The following MYRFL variants were observed in gnomAD, a reference collection of about 807,000 sequenced individuals.
MYRFL encodes myelin regulatory factor-like protein.
A neutral mutation model predicts 109.4 loss-of-function variants in MYRFL; 88 were observed. The observed-to-expected ratio is 0.80, with a 90% CI of 0.68 to 0.96. The LOEUF (loss-of-function observed/expected upper bound fraction) is 0.96, where lower values mean the gene tolerates loss of function less well. Among genes scored for constraint, MYRFL ranks in the 40% least tolerant of loss-of-function variants. The pLI is 0.00. For missense variants in MYRFL, 957 were observed against 954.9 expected (o/e 1.00, Z -0.03); for synonymous variants, 324 against 320.9 (o/e 1.01, Z -0.10).
At position 69,910,913 on chromosome 12, in the gene MYRFL, T is replaced by A; in HGVS notation, c.1585T>A (p.Phe529Ile). ...TCGNGETLENFLMVDKDQIFM... is the reference protein window; with the variant it reads ...TCGNGETLENILMVDKDQIFM... Reference sequence around the variant, plus strand: ...CGGAAACGGAGAGACCTTGGAGAACTTCCTCATGGTGGATAAGGTAATCAC... The same window carrying A: ...CGGAAACGGAGAGACCTTGGAGAACATCCTCATGGTGGATAAGGTAATCAC... Residue 529 changes from phenylalanine (F) to isoleucine (I), a missense_variant, in exon 13 of 25, where the codon TTC (phenylalanine) becomes ATC (isoleucine). By Grantham distance (21) the Phe-to-Ile change is conservative. Transcript: ENST00000552032. The A allele has an allele frequency of 6.5e-7, 1 of 1,534,296 alleles. No individual in the cohort carries two copies. Among genetic ancestry groups the A allele is most frequent in the Non-Finnish European group, 8.7e-7 (1 of 1,145,480 alleles).
intron 13 of MYRFL, among the ~76,000 whole-genome samples, chr12:69,925,634 G>A (rs1955052026): frequency 6.6e-6 from 1 of 152,170 alleles, no homozygotes; most frequent in South Asian, 2.1e-4. Flanking sequence ...TTTTGTTATG[G>A]CTGAGAAATG....
At chr12:69,880,951 G>GTTTTTTTTTTTTT (rs71094746) in intron 5 of MYRFL, among the ~76,000 whole-genome samples, 4,105 of 112,416 alleles carry the variant, frequency 0.037, 448 homozygotes, top group Non-Finnish European at 0.057. Flanking sequence ...CAGCCTTCCT[G>GTTTTTTTTTTTTT]TTTTTTTTTT....
chr12:69,937,558 C>A lies in MYRFL; in HGVS notation c.2224+926C>A, dbSNP rs557733197. Among the ~76,000 whole-genome samples the A allele has an allele frequency of 2.0e-5, 3 of 152,278 alleles. No individual in the cohort carries two copies. In the East Asian group the frequency reaches 5.8e-4, roughly 29 times the overall value. On this transcript the variant is annotated intron_variant, in intron 19 of 24. Transcript: ENST00000552032. ...AGTCTCCGTAGTAGTGGTAAAAGAA[C>A]AAGGCAAATTATGTTCCGACTCTTA... is the stretch of plus-strand genomic sequence containing the variant.
intron 19 of MYRFL, among the ~76,000 whole-genome samples, chr12:69,944,026 A>G (rs962568970): frequency 1.6e-4 from 24 of 149,934 alleles, no homozygotes; most frequent in African/African-American, 5.9e-4. Flanking sequence ...TTAAAAAGTC[A>G]GGAAGCAACA....
intron 13 of MYRFL, among the ~76,000 whole-genome samples, chr12:69,915,364 T>C (rs1954699368): frequency 6.6e-6 from 1 of 152,170 alleles, no homozygotes; most frequent in African/African-American, 2.4e-5. Flanking sequence ...CATCACCTGA[T>C]CCTTTTTTGT....
At chr12:69,939,968 T>G (rs1464754608) in intron 19 of MYRFL, among the ~76,000 whole-genome samples, 1 of 151,796 alleles carries the variant, frequency 6.6e-6, no homozygotes, top group Non-Finnish European at 1.5e-5. Flanking sequence ...ATGGATGAAA[T>G]GAATGAAATG....
chr12:69,936,769 C>A, intron 19 of MYRFL, 137 bp downstream of exon 19: 1 of 721,232 alleles, frequency 1.4e-6, no homozygotes, highest in Non-Finnish European at 2.1e-6. Flanking sequence ...ATCTTTAAAA[C>A]ACAAATACAC....
chr12:69,838,056 C>A lies in MYRFL; in HGVS notation c.46+12493C>A, dbSNP rs76637340. On this transcript the variant is annotated intron_variant, in intron 1 of 24. Coordinates refer to ENST00000552032, the MANE Select transcript of MYRFL (RefSeq NM_182530.3). ...TCTTTATCCTGCAACTGGCTAAAGA[C>A]TAGGCCCTCAGACAGTGCTCTATTT... 3.0e-3 allele frequency among the ~76,000 whole-genome samples: 462 copies of A among 152,296 alleles called. 7 individuals carry two copies. In the East Asian group the frequency reaches 0.046, roughly 15 times the overall value.
intron 23 of MYRFL, 129 bp from the exon 24 acceptor site, chr12:69,958,120 C>T: frequency 8.6e-7 from 1 of 1,166,754 alleles, no homozygotes; most frequent in South Asian, 1.5e-5. Flanking sequence ...GTTCTAGCAA[C>T]ACCCATCAAA....
At chr12:69,842,553 G>T (rs1356766401) in intron 1 of MYRFL, among the ~76,000 whole-genome samples, 1 of 152,192 alleles carries the variant, frequency 6.6e-6, no homozygotes, top group Non-Finnish European at 1.5e-5. Context: ...TAATTGCTAT[G>T]GTGATTGAAA....
At chr12:69,933,701 T>C (rs1955344312) in intron 16 of MYRFL, among the ~76,000 whole-genome samples, 1 of 152,158 alleles carries the variant, frequency 6.6e-6, no homozygotes, top group Non-Finnish European at 1.5e-5. Flanking sequence ...TTTCTTAGTC[T>C]CCCAAGTGTG....
chr12:69,901,800 A>G (rs1417098991), intron 10 of MYRFL, among the ~76,000 whole-genome samples: 1 of 152,134 alleles, frequency 6.6e-6, no homozygotes, highest in Non-Finnish European at 1.5e-5. Flanking sequence ...GTAAATTTAC[A>G]CAAAATAATG....
At chr12:69,921,433 T>A (rs1954908497) in intron 13 of MYRFL, among the ~76,000 whole-genome samples, 7 of 152,226 alleles carry the variant, frequency 4.6e-5, no homozygotes. Flanking sequence ...GGTTCAAATC[T>A]GCTCATACAG....
chr12:69,932,442 A>C, intron 15 of MYRFL, 71 bp from the exon 16 acceptor site: 1 of 990,864 alleles, frequency 1.0e-6, no homozygotes, highest in Admixed American at 2.0e-5. Context: ...TGCTGGGAGC[A>C]GTTCTCCAGG....
chr12:69,862,694 A>G (rs961677144), intron 2 of MYRFL, among the ~76,000 whole-genome samples: 1 of 152,076 alleles, frequency 6.6e-6, no homozygotes, highest in African/African-American at 2.4e-5. Flanking sequence ...GTCATCTGCA[A>G]ACAGGGACAA....
At chr12:69,830,881 G>A (rs570352172) in intron 1 of MYRFL, among the ~76,000 whole-genome samples, 2 of 152,106 alleles carry the variant, frequency 1.3e-5, no homozygotes, top group East Asian at 1.9e-4. Context: ...CCTTCTGAGT[G>A]GAGGACTCCC....
chr12:69,873,300 AT>A (rs1885465317), intron 2 of MYRFL, among the ~76,000 whole-genome samples: 1 of 151,878 alleles, frequency 6.6e-6, no homozygotes, highest in African/African-American at 2.4e-5. Flanking sequence ...AAGTTTACAA[AT>A]TTGTGTTGGG....
At chr12:69,945,753 C>A (rs193136991) in intron 19 of MYRFL, among the ~76,000 whole-genome samples, 12 of 151,492 alleles carry the variant, frequency 7.9e-5, no homozygotes, top group Middle Eastern at 3.4e-3. Context: ...TTTGGGAGGC[C>A]GAGGCGGGCG....
At chr12:69,861,734 C>T (rs1884685703) in intron 2 of MYRFL, among the ~76,000 whole-genome samples, 1 of 151,288 alleles carries the variant, frequency 6.6e-6, no homozygotes, top group African/African-American at 2.4e-5. Context: ...TTTTGCTGTG[C>T]AGAAGCTCTT....
Sources: gnomAD v4.1 joint callset for allele counts (sites outside exome capture counted in the v4.1 genomes callset) on GRCh38, gnomAD v4.1.1 for gene constraint, MANE v1.5 for transcripts, NCBI Gene and HGNC (gene_info 2026-07-23, HGNC 2026-07-21) for gene names.